The following NLRP7 variants were observed in gnomAD, a reference collection of about 807,000 sequenced individuals.
NLRP7 encodes NACHT, LRR and PYD domains-containing protein 7.
Under a neutral mutation model 85.5 loss-of-function variants are expected in NLRP7, and 72 were observed. The observed-to-expected ratio is 0.84, with a 90% CI of 0.70 to 1.02. The LOEUF (loss-of-function observed/expected upper bound fraction) is 1.02, where lower values mean the gene tolerates loss of function less well. NLRP7 is among the 50% of genes least tolerant of loss of function. The pLI is 0.00. For missense variants in NLRP7, 1,243 were observed against 1,219.5 expected, an observed-to-expected ratio of 1.02 and a Z score of -0.29; for synonymous variants, 550 against 505.2, an observed-to-expected ratio of 1.09 and a Z score of -1.19.
chr19:54,927,658 T>A, intron 9 of NLRP7: 1 of 1,614,156 alleles, frequency 6.2e-7, no homozygotes, highest in South Asian at 1.1e-5. Context: ...AGAGCTTAAT[T>A]ATGCCACTCT....
At chr19:54,925,609 C>A (rs4806625) in intron 9 of NLRP7, among the ~76,000 whole-genome samples, 10,210 of 152,146 alleles carry the variant, frequency 0.067, 347 homozygotes, top group East Asian at 0.15. Context: ...AGTTTGAGAA[C>A]CTCGGCAACA....
At chr19:54,941,693 C>G in exon 2 of NLRP7, 1 of 1,612,842 alleles carries the variant, frequency 6.2e-7, no homozygotes, top group Non-Finnish European at 8.5e-7. Flanking sequence ...AGAGTCCACT[C>G]TAGCTGGGGC....
intron 1 of NLRP7, among the ~76,000 whole-genome samples, chr19:54,954,419 A>G (rs1208512984): frequency 7.2e-6 from 1 of 139,564 alleles, no homozygotes; most frequent in African/African-American, 3.0e-5. Flanking sequence ...AGTCCCAGCT[A>G]CTCGGGAGGC....
chr19:54,927,553 C>A, intron 9 of NLRP7, 52 bp downstream of exon 10: 1 of 1,565,748 alleles, frequency 6.4e-7, no homozygotes, highest in South Asian at 1.1e-5. Flanking sequence ...ACGACTCCAT[C>A]TCAAAAAAAC....
At chr19:54,940,554 C>A (rs1006953273) in intron 3 of NLRP7, 88 bp from the exon 4 acceptor site, 7 of 1,460,400 alleles carry the variant, frequency 4.8e-6, no homozygotes, top group Non-Finnish European at 5.7e-6. Flanking sequence ...GGGCCAGGCA[C>A]GGTGTCTCAT....
At position 54,934,521 on chromosome 19, in the gene NLRP7, C is replaced by T. The variant is rs761989288; in HGVS notation, c.2439G>A (p.Met813Ile). ...TCTGCAGGAAGTGTTTTGGGCGTGT[C>T]ATGGTCTTGTACAGCAACATGGCAC... The change falls in exon 7 of 10, where the codon ATG becomes ATA. Residue 813 changes from methionine to isoleucine, a missense_variant. Coordinates refer to ENST00000340844, the Ensembl canonical transcript of NLRP7. This position sits in a 1 kb window ranked among gnomAD's most constrained non-coding sequence, Gnocchi z 6.7. 3 of 1,614,178 alleles carry T rather than the reference C, an allele frequency of 1.9e-6. No individual in the cohort carries two copies. Among genetic ancestry groups the T allele is most frequent in the Non-Finnish European group, 2.5e-6 (3 of 1,180,020 alleles).
chr19:54,963,768 G>A lies in NLRP7; in HGVS notation c.-77+2272C>T, dbSNP rs1391285412. Among the ~76,000 whole-genome samples the A allele has an allele frequency of 2.7e-5, 4 of 146,326 alleles. No individual in the cohort carries two copies. In the East Asian group the frequency reaches 8.6e-4, roughly 31 times the overall value. On this transcript the variant is annotated intron_variant, in intron 1 of 2. Transcript: ENST00000587103. ...GAACTCTGGAGGCGGAGGTTGCAGT[G>A]AGCCAAGATTGCGCCACTGCACTCC...
chr19:54,940,758 C>G (rs918443549), intron 3 of NLRP7, among the ~76,000 whole-genome samples, 173 bp downstream of exon 3: 1 of 151,196 alleles, frequency 6.6e-6, no homozygotes, highest in Non-Finnish European at 1.5e-5. Context: ...ACCCGGGAGG[C>G]AGAGGTTGCA....
At chr19:54,949,826 T>C (rs11669898), upstream of NLRP7, among the ~76,000 whole-genome samples, 12,362 of 152,110 alleles carry the variant, frequency 0.081, 622 homozygotes, top group African/African-American at 0.14. Flanking sequence ...TTGGGCCGGG[T>C]GTCCTGTGGC....
chr19:54,924,675 C>A (rs1039034280), intron 9 of NLRP7, among the ~76,000 whole-genome samples: 2 of 151,956 alleles, frequency 1.3e-5, no homozygotes, highest in African/African-American at 4.8e-5. Context: ...GTGACTCACG[C>A]CTATAATTCC....
chr19:54,958,236 G>A (rs2069922975), intron 1 of NLRP7, among the ~76,000 whole-genome samples: 1 of 152,124 alleles, frequency 6.6e-6, no homozygotes, highest in Non-Finnish European at 1.5e-5. Context: ...GACAGGGAAA[G>A]AGAATTTCAG....
upstream of NLRP7, among the ~76,000 whole-genome samples, chr19:54,952,419 C>T (rs2069698727): frequency 6.6e-6 from 1 of 151,898 alleles, no homozygotes; most frequent in Admixed American, 6.6e-5. Flanking sequence ...ATAGTGAAAC[C>T]CCGTTTCTAC....
intron 1 of NLRP7, among the ~76,000 whole-genome samples, chr19:54,955,420 G>A (rs1185205284): frequency 1.3e-5 from 2 of 152,198 alleles, no homozygotes; most frequent in Admixed American, 6.6e-5. Flanking sequence ...TGGAATCCCC[G>A]AACTTTGGGC....
chr19:54,963,961 A>C (rs1415977679), intron 1 of NLRP7, among the ~76,000 whole-genome samples: 2 of 142,362 alleles, frequency 1.4e-5, no homozygotes, highest in Non-Finnish European at 3.0e-5. Flanking sequence ...GCTCACTGCA[A>C]CCTCCGCCTC....
chr19:54,939,720 A>T, exon 4 of NLRP7: 1 of 1,613,436 alleles, frequency 6.2e-7, no homozygotes. Flanking sequence ...CACACAATCC[A>T]GCACACCGCG....
intron 1 of NLRP7, among the ~76,000 whole-genome samples, chr19:54,945,239 A>C (rs974032231): frequency 4.5e-5 from 5 of 110,694 alleles, no homozygotes; most frequent in Admixed American, 1.7e-4. Context: ...ACTCCCTCTC[A>C]AAAAAAAAAA....
chr19:54,956,250 C>G (rs143375250), intron 1 of NLRP7, among the ~76,000 whole-genome samples: 7 of 152,234 alleles, frequency 4.6e-5, no homozygotes, highest in African/African-American at 1.7e-4. Context: ...CAGCCCTGAA[C>G]CTTTGGGATC....
At chr19:54,953,122 G>A (rs879448045) in intron 1 of NLRP7, 9 of 152,076 alleles carry the variant, frequency 5.9e-5, no homozygotes, top group Non-Finnish European at 8.8e-5. Flanking sequence ...GATGAGATAA[G>A]TCAGCACAAG....
At chr19:54,946,139 T>G (rs1279195132) in intron 1 of NLRP7, among the ~76,000 whole-genome samples, 2 of 146,436 alleles carry the variant, frequency 1.4e-5, no homozygotes, top group Admixed American at 1.4e-4. Context: ...ACTCCTGACC[T>G]CAGCTGATCC....
Sources: allele counts gnomAD v4.1 joint callset (sites outside exome capture counted in the v4.1 genomes callset), GRCh38; gene constraint gnomAD v4.1.1; non-coding constraint Gnocchi (gnomAD v3.1); transcripts MANE v1.5; gene names NCBI Gene and HGNC (gene_info 2026-07-23, HGNC 2026-07-21).